Variants in HCN1 observed in about 807,000 individuals in gnomAD.
HCN1 encodes hyperpolarization activated cyclic nucleotide gated potassium channel 1, also known as potassium/sodium hyperpolarization-activated cyclic nucleotide-gated channel 1.
HCN1 carries 13 observed loss-of-function variants against 78.9 expected under a neutral mutation model. The ratio of observed to expected loss-of-function variants is 0.16; its 90% confidence interval spans 0.11 to 0.26. HCN1 has a LOEUF of 0.26. Among genes scored for constraint, HCN1 ranks in the 10% least tolerant of loss-of-function variants. The pLI, the probability that HCN1 is intolerant of heterozygous loss-of-function variation, is 1.00. For missense variants in HCN1, 810 were observed against 1,154.3 expected (o/e 0.70, Z 4.32); for synonymous variants, 552 against 455.5 (o/e 1.21, Z -2.70).
chr5:45,421,311 C>T (rs775075956), intron 3 of HCN1, among the ~76,000 whole-genome samples: 20 of 152,162 alleles, frequency 1.3e-4, no homozygotes, highest in Non-Finnish European at 2.4e-4. Context: ...ATCCACCCGC[C>T]TGGGCCTCCC....
rs1744587799 is a variant in HCN1 at position 45,255,436 on chromosome 5, G to A, written c.*6485C>T. 6.6e-6 allele frequency: 1 copy of A among 152,092 alleles called. No homozygotes were observed. The allele number at this position is 152,092 out of a possible 1,614,324, so 9.4% of individuals were successfully genotyped here. On this transcript the variant is annotated 3_prime_UTR_variant, in exon 8 of 8. Coordinates refer to ENST00000303230, the MANE Select transcript of HCN1 (RefSeq NM_021072.4). ...TCATCTGGGGATCTTGCCCAAAAGC[G>A]GACTTCTGTAGGTACAGGGTAAGGC...
chr5:45,592,721 CAATT>C (rs1177253288), intron 2 of HCN1, among the ~76,000 whole-genome samples: 3 of 152,160 alleles, frequency 2.0e-5, no homozygotes, highest in Non-Finnish European at 4.4e-5. Flanking sequence ...TCCAAACCAT[CAATT>C]ATTTGAATAG....
At chr5:45,291,836 C>T (rs1243574159) in intron 6 of HCN1, among the ~76,000 whole-genome samples, 1 of 151,970 alleles carries the variant, frequency 6.6e-6, no homozygotes, top group Non-Finnish European at 1.5e-5. Context: ...AGTGCTGTCC[C>T]TTTTCATTAA....
chr5:45,555,062 A>G (rs1282027217), intron 2 of HCN1, among the ~76,000 whole-genome samples: 1 of 151,954 alleles, frequency 6.6e-6, no homozygotes, highest in African/African-American at 2.4e-5. Context: ...ATCAGACAAG[A>G]AATAAATAAG....
intron 2 of HCN1, among the ~76,000 whole-genome samples, chr5:45,632,827 T>C (rs1745291308): frequency 6.6e-6 from 1 of 151,950 alleles, no homozygotes. Flanking sequence ...CATGCTGAAA[T>C]AGAAGCTGGG....
At chr5:45,492,525 T>TG (rs1203707148) in intron 2 of HCN1, among the ~76,000 whole-genome samples, 28 of 144,110 alleles carry the variant, frequency 1.9e-4, no homozygotes, top group South Asian at 6.6e-4. Context: ...TTTTGTTTTT[T>TG]TTTTTTTTTT....
intron 2 of HCN1, among the ~76,000 whole-genome samples, chr5:45,573,489 T>TA (rs34691237): frequency 1.4e-4 from 21 of 151,720 alleles, no homozygotes; most frequent in Non-Finnish European, 8.8e-5. Flanking sequence ...CGAAAATTGT[T>TA]AAAAAAACAC....
At chr5:45,350,105 C>T (rs952942611) in intron 5 of HCN1, among the ~76,000 whole-genome samples, 1 of 152,152 alleles carries the variant, frequency 6.6e-6, no homozygotes, top group Middle Eastern at 3.2e-3. Flanking sequence ...CCTTGATGAA[C>T]ATTGATGCAA....
intron 3 of HCN1, among the ~76,000 whole-genome samples, chr5:45,429,812 A>G (rs1483227943): frequency 6.6e-6 from 1 of 152,168 alleles, no homozygotes; most frequent in Non-Finnish European, 1.5e-5. Flanking sequence ...CAGAAGTAGT[A>G]GTGGACACAC....
At chr5:45,358,726 C>T (rs1747055054) in intron 4 of HCN1, among the ~76,000 whole-genome samples, 2 of 152,158 alleles carry the variant, frequency 1.3e-5, no homozygotes, top group South Asian at 2.1e-4. Flanking sequence ...CAGGAATAGC[C>T]CTACAAAGGT....
chr5:45,645,652 C>A lies in HCN1; in HGVS notation c.426-44G>T, dbSNP rs201992964. ...TCAGATTTTAAGATATAGAAAATAA[C>A]CAGCCTATCCCCCCCATGAAAAATT... On this transcript the variant is annotated intron_variant, in intron 1 of 7. Transcript: ENST00000303230. 664 of 1,271,914 alleles carry A rather than the reference C, an allele frequency of 5.2e-4. 1 individual carries two copies. The African/African-American group carries it at 8.7e-3, about 17-fold the overall frequency. The allele number at this position is 1,271,914 out of a possible 1,614,324, so 78.8% of individuals were successfully genotyped here. A position where few individuals can be genotyped will look rare whatever the true frequency, so the allele number is the denominator to read the frequency against.
chr5:45,529,771 G>A (rs1018270099), intron 2 of HCN1, among the ~76,000 whole-genome samples: 4 of 152,142 alleles, frequency 2.6e-5, no homozygotes, highest in African/African-American at 9.6e-5. Flanking sequence ...GTTTCATTAT[G>A]AAGATTTACT....
intron 6 of HCN1, among the ~76,000 whole-genome samples, chr5:45,292,584 A>G (rs558339630): frequency 3.3e-5 from 5 of 152,148 alleles, no homozygotes; most frequent in African/African-American, 1.2e-4. Context: ...ATCATCTGGT[A>G]TGTTTCATTA....
intron 1 of HCN1, among the ~76,000 whole-genome samples, chr5:45,666,923 G>C (rs1746062038): frequency 6.6e-6 from 1 of 151,904 alleles, no homozygotes; most frequent in South Asian, 2.1e-4. Context: ...AAAATCAGGG[G>C]GGTGGGAATG....
Position 45,534,404 on chromosome 5 carries a change from CAAAAAAAAAAAAAAAAAAAAAAAA to C in HCN1, c.850-72421_850-72398del, listed in dbSNP as rs71000637. Among the ~76,000 whole-genome samples the C allele has an allele frequency of 2.2e-3, 64 of 29,316 alleles. 1 individual carries two copies. In the East Asian group the frequency reaches 0.028, roughly 13 times the overall value. The allele number at this position is 29,316 out of a possible 152,430, so 19.2% of individuals were successfully genotyped here. On this transcript the variant is annotated intron_variant, in intron 2 of 7. Transcript: ENST00000303230. ...TGGGCAACAGAGTGAGACTGCATCT[CAAAAAAAAAAAAAAAAAAAAAAAA>C]AAAAAAAAAAAAAAAAATTAATACA... is the stretch of plus-strand genomic sequence containing the variant.
intron 2 of HCN1, among the ~76,000 whole-genome samples, chr5:45,496,633 T>G (rs887294335): frequency 6.6e-6 from 1 of 152,184 alleles, no homozygotes; most frequent in African/African-American, 2.4e-5. Flanking sequence ...CTATCAATTT[T>G]GTTGATCCTT....
chr5:45,654,505 CA>C (rs1363090714), intron 1 of HCN1, among the ~76,000 whole-genome samples: 1 of 151,988 alleles, frequency 6.6e-6, no homozygotes, highest in Admixed American at 6.6e-5. Flanking sequence ...TTAAGGAAAG[CA>C]AAAATACTGT....
At chr5:45,304,060 T>C (rs1160298537) in intron 5 of HCN1, among the ~76,000 whole-genome samples, 1 of 152,194 alleles carries the variant, frequency 6.6e-6, no homozygotes, top group East Asian at 1.9e-4. Context: ...TATAGGAATG[T>C]ATTAAATATT....
chr5:45,393,389 T>A (rs1378156510), intron 4 of HCN1, among the ~76,000 whole-genome samples: 1 of 152,122 alleles, frequency 6.6e-6, no homozygotes, highest in Non-Finnish European at 1.5e-5. Flanking sequence ...TGAACTAAGA[T>A]GTAGTAGTAT....
Sources: gnomAD v4.1 joint callset for allele counts (sites outside exome capture counted in the v4.1 genomes callset) on GRCh38, gnomAD v4.1.1 for gene constraint, MANE v1.5 for transcripts, NCBI Gene and HGNC (gene_info 2026-07-23, HGNC 2026-07-21) for gene names.